The following ITGBL1 variants were observed in gnomAD, a reference collection of about 807,000 sequenced individuals.
The protein encoded by ITGBL1 is integrin subunit beta like 1.
ITGBL1 carries 51 observed loss-of-function variants against 68.5 expected under a neutral mutation model. That is an observed-to-expected ratio of 0.74 (90% CI 0.59 to 0.94). ITGBL1 has a LOEUF of 0.94. Ranked by LOEUF, ITGBL1 falls within the 40% of genes least tolerant of loss-of-function variation. ITGBL1 has a pLI of 0.00. For missense variants in ITGBL1, 649 were observed against 647.4 expected (o/e 1.00, Z -0.03); for synonymous variants, 209 against 227.3 (o/e 0.92, Z 0.72).
chr13:101,528,459 G>GT (rs1208324370), intron 2 of ITGBL1, among the ~76,000 whole-genome samples: 1 of 151,176 alleles, frequency 6.6e-6, no homozygotes, highest in African/African-American at 2.4e-5. Flanking sequence ...TCTATAGTTT[G>GT]TTTTTTTATT....
intron 2 of ITGBL1, among the ~76,000 whole-genome samples, chr13:101,471,510 A>ATG (rs10634284): frequency 0.019 from 2,553 of 133,892 alleles, 36 homozygotes; most frequent in South Asian, 0.027. Flanking sequence ...ACAAATATAT[A>ATG]TGTGTGTGTG....
intron 7 of ITGBL1, among the ~76,000 whole-genome samples, chr13:101,613,854 A>G (rs2031240267): frequency 1.3e-5 from 2 of 151,946 alleles, no homozygotes; most frequent in South Asian, 4.2e-4. Flanking sequence ...CCACATGAAG[A>G]CTCACCACTC....
chr13:101,708,317 G>A (rs997573492), intron 9 of ITGBL1, among the ~76,000 whole-genome samples: 4 of 152,056 alleles, frequency 2.6e-5, no homozygotes, highest in Non-Finnish European at 4.4e-5. Context: ...TGAAGTTAGG[G>A]GCTTCCCAGC....
At chr13:101,604,082 G>T (rs1277339249) in intron 7 of ITGBL1, among the ~76,000 whole-genome samples, 1 of 151,828 alleles carries the variant, frequency 6.6e-6, no homozygotes, top group Admixed American at 6.6e-5. Flanking sequence ...ATATTTTGAA[G>T]TTAAAAATGT....
chr13:101,661,602 A>G (rs1415453331), intron 7 of ITGBL1, among the ~76,000 whole-genome samples: 4 of 152,198 alleles, frequency 2.6e-5, no homozygotes, highest in African/African-American at 9.6e-5. Context: ...ATTTGGTATA[A>G]TAGATTATTT....
intron 7 of ITGBL1, among the ~76,000 whole-genome samples, chr13:101,656,593 C>T (rs2032932392): frequency 6.6e-6 from 1 of 152,032 alleles, no homozygotes; most frequent in Non-Finnish European, 1.5e-5. Flanking sequence ...AGAGCTTAGT[C>T]CTTAATATCC....
intron 2 of ITGBL1, among the ~76,000 whole-genome samples, chr13:101,520,101 C>T (rs2049260162): frequency 6.6e-6 from 1 of 152,128 alleles, no homozygotes; most frequent in Admixed American, 6.6e-5. Flanking sequence ...GGATTTGCTG[C>T]AGATCACATA....
chr13:101,577,848 A>G (rs980368442), intron 4 of ITGBL1, among the ~76,000 whole-genome samples: 3 of 152,182 alleles, frequency 2.0e-5, no homozygotes, highest in African/African-American at 7.2e-5. Context: ...AGATATATAG[A>G]TGATATATTC....
chr13:101,685,557 C>T (rs1236188468), intron 7 of ITGBL1, among the ~76,000 whole-genome samples: 1 of 152,004 alleles, frequency 6.6e-6, no homozygotes, highest in Non-Finnish European at 1.5e-5. Flanking sequence ...TTATAAACAT[C>T]TCCCATCTCT....
intron 7 of ITGBL1, among the ~76,000 whole-genome samples, chr13:101,642,173 C>G (rs1326903882): frequency 1.3e-5 from 2 of 151,780 alleles, no homozygotes; most frequent in East Asian, 3.9e-4. Context: ...GTTTACAGTC[C>G]CACCAACAGT....
chr13:101,553,941 A>G (rs996706371), intron 2 of ITGBL1, among the ~76,000 whole-genome samples: 21 of 151,822 alleles, frequency 1.4e-4, no homozygotes, highest in African/African-American at 5.1e-4. Context: ...CACTCAGCTA[A>G]TTTTGTATTT....
In ITGBL1 at chr13:101,453,902, T is replaced by G; in HGVS notation, c.118T>G (p.Cys40Gly). The change falls in exon 2 of 11, where the codon TGC becomes GGC. Residue 40 changes from cysteine to glycine, a missense_variant. Cys to Gly is a radical substitution (Grantham distance 159). Transcript: ENST00000376180. The part of the protein sequence containing the change: ...PSLRSWPGAA[C>G]RLSRAESERR... ...GCGCAGGAGCTGGCCGGGCGCCGCC[T>G]GCAGGCTGTCCCGGGCCGAGTCGGA... The G allele has an allele frequency of 7.9e-7, 1 of 1,258,248 alleles. No homozygotes were observed. The highest frequency in any genetic ancestry group is 3.2e-5 in the East Asian group (1 of 31,358). The allele number at this position is 1,258,248 out of a possible 1,614,324, so 77.9% of individuals were successfully genotyped here.
intron 2 of ITGBL1, among the ~76,000 whole-genome samples, chr13:101,494,701 T>A (rs989057819): frequency 6.6e-6 from 1 of 152,144 alleles, no homozygotes; most frequent in African/African-American, 2.4e-5. Flanking sequence ...TTTACAGTCA[T>A]TAAAATGATG....
At chr13:101,646,375 C>T (rs1594951897) in intron 7 of ITGBL1, among the ~76,000 whole-genome samples, 1 of 151,896 alleles carries the variant, frequency 6.6e-6, no homozygotes, top group Non-Finnish European at 1.5e-5. Flanking sequence ...TTGCAAATTA[C>T]ATAAACGAAT....
intron 7 of ITGBL1, among the ~76,000 whole-genome samples, chr13:101,601,566 G>T (rs559785326): frequency 6.6e-6 from 1 of 152,022 alleles, no homozygotes; most frequent in Non-Finnish European, 1.5e-5. Context: ...TTCTCTTGTG[G>T]GCATTTAGTG....
At chr13:101,571,080 T>C (rs1200591869) in intron 3 of ITGBL1, among the ~76,000 whole-genome samples, 1 of 152,172 alleles carries the variant, frequency 6.6e-6, no homozygotes, top group Non-Finnish European at 1.5e-5. Flanking sequence ...TTTACACCAG[T>C]GCATCTAATT....
intron 1 of ITGBL1, 35 bp downstream of exon 1, chr13:101,452,966 G>T: frequency 6.4e-7 from 1 of 1,554,772 alleles, no homozygotes; most frequent in Non-Finnish European, 8.9e-7. Context: ...GTACAGACCT[G>T]CCCTGCTTAT....
At chr13:101,524,450 G>C (rs7320478) in intron 2 of ITGBL1, among the ~76,000 whole-genome samples, 4 of 150,936 alleles carry the variant, frequency 2.7e-5, no homozygotes, top group African/African-American at 9.7e-5. Flanking sequence ...AGGGCTTTAT[G>C]TCTAGAGTAG....
chr13:101,636,743 G>T (rs1566768499), intron 7 of ITGBL1, among the ~76,000 whole-genome samples: 1 of 152,034 alleles, frequency 6.6e-6, no homozygotes, highest in Non-Finnish European at 1.5e-5. Flanking sequence ...GTAATACACT[G>T]GTCCTGGTGA....
Sources: gnomAD v4.1 joint callset for allele counts (sites outside exome capture counted in the v4.1 genomes callset) on GRCh38, gnomAD v4.1.1 for gene constraint, MANE v1.5 for transcripts, NCBI Gene and HGNC (gene_info 2026-07-23, HGNC 2026-07-21) for gene names.